The following ALPK1 variants were observed in gnomAD, a reference collection of about 807,000 sequenced individuals.
The protein encoded by ALPK1 is alpha kinase 1.
ALPK1 carries 110 observed loss-of-function variants against 120.6 expected under a neutral mutation model. That is an observed-to-expected ratio of 0.91 (90% CI 0.78 to 1.07). ALPK1 has a LOEUF of 1.07. ALPK1 is among the 50% of genes least tolerant of loss of function. ALPK1 has a pLI of 0.00. For missense variants in ALPK1, 1,498 were observed against 1,483.9 expected (o/e 1.01, Z -0.16); for synonymous variants, 582 against 560.3 (o/e 1.04, Z -0.55).
intron 3 of ALPK1, 75 bp from the exon 4 acceptor site, chr4:112,382,323 C>G: frequency 5.9e-4 from 482 of 812,852 alleles, no homozygotes; most frequent in Non-Finnish European, 8.0e-4. Context: ...CACTGAGGTG[C>G]TTCATCATAA....
At chr4:112,391,855 CA>C (rs1010432042) in intron 4 of ALPK1, among the ~76,000 whole-genome samples, 33 of 152,212 alleles carry the variant, frequency 2.2e-4, no homozygotes, top group African/African-American at 7.7e-4. Context: ...ACTAACATAC[CA>C]AGTGCATATG....
At chr4:112,422,402 CT>C (rs1734038427) in intron 5 of ALPK1, among the ~76,000 whole-genome samples, 1 of 152,162 alleles carries the variant, frequency 6.6e-6, no homozygotes, top group African/African-American at 2.4e-5. Context: ...ATCTCCCTAG[CT>C]AGACACCGAG....
intron 2 of ALPK1, chr4:112,356,791 C>T (rs773233973): frequency 1.2e-4 from 86 of 734,828 alleles, no homozygotes; most frequent in Admixed American, 2.1e-4. Context: ...AAGCCGACAT[C>T]GTCTTCATCC....
intron 11 of ALPK1, among the ~76,000 whole-genome samples, chr4:112,434,382 C>A (rs1230778463): frequency 6.6e-6 from 1 of 152,234 alleles, no homozygotes; most frequent in Non-Finnish European, 1.5e-5. Flanking sequence ...GTTTATCTTG[C>A]TTTAAGTATT....
chr4:112,302,381 G>A lies in ALPK1; in HGVS notation c.-153+4912G>A, dbSNP rs115107071. ...CCTGGAGATCCCTCTACTTGTTGAT[G>A]GGCAGCTTCCCGGGCCACTCCTCTC... On this transcript the variant is annotated intron_variant, in intron 1 of 15. Coordinates refer to ENST00000650871, the MANE Select transcript of ALPK1 (RefSeq NM_025144.4). 409 of 152,336 alleles carry A rather than the reference G, an allele frequency of 2.7e-3. 2 individuals are homozygous for A. Among genetic ancestry groups the A allele is most frequent in the African/African-American group, 9.1e-3 (376 of 41,500 alleles). The allele number at this position is 152,336 out of a possible 1,614,324, so 9.4% of individuals were successfully genotyped here.
At position 112,433,742 on chromosome 4, in the gene ALPK1, T is replaced by G. The variant is rs76020326; in HGVS notation, c.3034+1161T>G. Among the ~76,000 whole-genome samples the G allele has an allele frequency of 0.016, 2,446 of 152,126 alleles. 182 individuals are homozygous for G. The East Asian group carries it at 0.22, about 14-fold the overall frequency. ...TGAATGATTAAAAAAACAAAAAGAT[T>G]GTGAAGCACTTCCCAGAAGAGATAA... On this transcript the variant is annotated intron_variant, in intron 11 of 15. Transcript: ENST00000650871.
At chr4:112,355,839 C>T (rs1024133541) in intron 2 of ALPK1, among the ~76,000 whole-genome samples, 2 of 152,258 alleles carry the variant, frequency 1.3e-5, no homozygotes, top group African/African-American at 4.8e-5. Flanking sequence ...ACCGCAACTG[C>T]GCGCCTCAGT....
intron 9 of ALPK1, among the ~76,000 whole-genome samples, 189 bp from the exon 10 acceptor site, chr4:112,428,960 C>G (rs1245956304): frequency 6.6e-6 from 1 of 152,206 alleles, no homozygotes; most frequent in Admixed American, 6.5e-5. Context: ...TGTGTGTCTG[C>G]TGGGAAAAAG....
chr4:112,334,607 G>C (rs1020008772), intron 2 of ALPK1, among the ~76,000 whole-genome samples: 4 of 152,092 alleles, frequency 2.6e-5, no homozygotes, highest in Admixed American at 6.6e-5. Flanking sequence ...AAGTTTTAAG[G>C]TGGTTTTAAA....
chr4:112,414,149 A>G (rs1365685892), intron 5 of ALPK1: 1 of 412,632 alleles, frequency 2.4e-6, no homozygotes, highest in Non-Finnish European at 5.1e-6. Flanking sequence ...GGGGTGGAGA[A>G]GTGAAAGAGA....
intron 5 of ALPK1, among the ~76,000 whole-genome samples, chr4:112,415,460 A>T (rs1733697210): frequency 6.6e-6 from 1 of 152,094 alleles, no homozygotes; most frequent in East Asian, 1.9e-4. Flanking sequence ...ACATGGTGAA[A>T]CCCCATCTCT....
At chr4:112,368,994 A>G (rs981375904) in intron 2 of ALPK1, among the ~76,000 whole-genome samples, 2 of 144,880 alleles carry the variant, frequency 1.4e-5, no homozygotes, top group Non-Finnish European at 3.0e-5. Context: ...GCTAGCTTCT[A>G]TATTGCAGGT....
intron 2 of ALPK1, among the ~76,000 whole-genome samples, chr4:112,333,791 G>C (rs1017806019): frequency 1.3e-5 from 2 of 152,034 alleles, no homozygotes; most frequent in Non-Finnish European, 2.9e-5. Context: ...GCCCATTCTC[G>C]TGTAGGTGTA....
chr4:112,344,111 A>G (rs1729999725), intron 2 of ALPK1, among the ~76,000 whole-genome samples: 1 of 152,216 alleles, frequency 6.6e-6, no homozygotes, highest in African/African-American at 2.4e-5. Flanking sequence ...GCCAGTTGGT[A>G]TACCCAGCTT....
intron 1 of ALPK1, among the ~76,000 whole-genome samples, chr4:112,301,824 C>A (rs1423224427): frequency 6.6e-6 from 1 of 152,152 alleles, no homozygotes; most frequent in African/African-American, 2.4e-5. Flanking sequence ...GTGATCACGG[C>A]TCATTGCAAG....
intron 2 of ALPK1, among the ~76,000 whole-genome samples, chr4:112,343,873 A>G (rs1729988077): frequency 6.6e-6 from 1 of 152,062 alleles, no homozygotes; most frequent in Non-Finnish European, 1.5e-5. Flanking sequence ...AAGGCTGTTC[A>G]TATATCCACA....
At position 112,425,667 on chromosome 4, in the gene ALPK1, A is replaced by G. The variant is rs748790655; in HGVS notation, c.538A>G (p.Thr180Ala). ...SLISNNGATG[T>A]WLYRNESDKV... ...GGAATTTTCATCTTTTCTTTTAGGTACCTGGCTGTACAGAAATGAAAGTGA... is the reference window on the plus strand; with the variant it reads ...GGAATTTTCATCTTTTCTTTTAGGTGCCTGGCTGTACAGAAATGAAAGTGA... The change falls in exon 7 of 16, where the codon ACC becomes GCC. Residue 180 changes from threonine to alanine, a missense_variant and splice_region_variant. Coordinates refer to ENST00000650871, the MANE Select transcript of ALPK1 (RefSeq NM_025144.4). The G allele has an allele frequency of 1.2e-5, 20 of 1,612,270 alleles. No individual in the cohort carries two copies. In the East Asian group the frequency reaches 4.2e-4, roughly 34 times the overall value.
At chr4:112,318,223 C>G (rs1728720672) in intron 2 of ALPK1, among the ~76,000 whole-genome samples, 1 of 152,098 alleles carries the variant, frequency 6.6e-6, no homozygotes, top group South Asian at 2.1e-4. Flanking sequence ...GTTCTGGGAA[C>G]CTAGGTATGA....
intron 3 of ALPK1, among the ~76,000 whole-genome samples, chr4:112,378,331 T>A (rs772580738): frequency 3.3e-5 from 5 of 152,208 alleles, no homozygotes; most frequent in African/African-American, 4.8e-5. Context: ...ACCAGTCCAA[T>A]CTCACTATTT....
Sources: gnomAD v4.1 joint callset for allele counts (sites outside exome capture counted in the v4.1 genomes callset) on GRCh38, gnomAD v4.1.1 for gene constraint, MANE v1.5 for transcripts, NCBI Gene and HGNC (gene_info 2026-07-23, HGNC 2026-07-21) for gene names.